TMEM272: variants seen among roughly 807,000 people sequenced by gnomAD.
TMEM272 encodes long intergenic non-protein coding RNA 282.
In TMEM272, 8 loss-of-function variants were observed where a neutral mutation model predicts 3.7. That is an observed-to-expected ratio of 2.17 (90% CI 1.27 to 3.91). The LOEUF (loss-of-function observed/expected upper bound fraction) is 3.91, where lower values mean the gene tolerates loss of function less well. TMEM272 is among the 30% of genes most tolerant of loss of function. TMEM272 has a pLI of 0.00. For missense variants in TMEM272, 166 were observed against 91.5 expected, an observed-to-expected ratio of 1.81 and a Z score of -3.32; for synonymous variants, 63 against 39.8, an observed-to-expected ratio of 1.58 and a Z score of -2.20.
chr13:51,816,765 C>CAGCAAGTCTCCACCTGG lies in TMEM272; in HGVS notation c.533_549dup (p.Ala184ProfsTer79). The CAGCAAGTCTCCACCTGG allele has an allele frequency of 2.9e-6, 2 of 698,384 alleles. No homozygotes were observed. Among genetic ancestry groups the CAGCAAGTCTCCACCTGG allele is most frequent in the Non-Finnish European group, 5.2e-6 (2 of 381,230 alleles). The allele number at this position is 698,384 out of a possible 1,614,324, so 43.3% of individuals were successfully genotyped here. On this transcript the variant is annotated frameshift_variant, in exon 5 of 5. Coordinates refer to ENST00000629372, the MANE Select transcript of TMEM272 (RefSeq NM_001351003.2). LOFTEE classifies it high-confidence loss of function. ...CAAGGCAGCTGTCAGTCTTCATCGG[C>CAGCAAGTCTCCACCTGG]AGCAAGTCTCCACCTGGAGCACAGG... is the stretch of plus-strand genomic sequence containing the variant.
At chr13:51,852,536 T>C in the TMEM272 span, among the ~76,000 whole-genome samples, 1 of 152,222 alleles carries the variant, frequency 6.6e-6, no homozygotes, top group Non-Finnish European at 1.5e-5. Context: ...GTTGTCATTG[T>C]CTTCATCTTT....
At chr13:51,833,204 G>C (rs2139573916) in intron 2 of TMEM272, among the ~76,000 whole-genome samples, 1 of 152,268 alleles carries the variant, frequency 6.6e-6, no homozygotes, top group South Asian at 2.1e-4. Context: ...TCATGAAATG[G>C]AGCTGAGCGT....
the TMEM272 span, among the ~76,000 whole-genome samples, chr13:51,895,951 G>A: frequency 7.2e-5 from 11 of 152,182 alleles, no homozygotes; most frequent in African/African-American, 2.6e-4. Context: ...AGCAACCAAC[G>A]TAACCACAAG....
intron 4 of TMEM272, among the ~76,000 whole-genome samples, chr13:51,821,549 T>C (rs1390343506): frequency 6.6e-6 from 1 of 151,836 alleles, no homozygotes; most frequent in Non-Finnish European, 1.5e-5. Flanking sequence ...AGCCAATTAA[T>C]CCTATGTTAG....
the TMEM272 span, among the ~76,000 whole-genome samples, chr13:51,893,092 C>T: frequency 1.3e-5 from 2 of 152,226 alleles, no homozygotes; most frequent in Non-Finnish European, 2.9e-5. Context: ...CTTAAACATC[C>T]ACCTGTCCTT....
At position 51,836,324 on chromosome 13, in the gene TMEM272, C is replaced by CT. The variant is rs1045150060; in HGVS notation, c.58+2148dup. On this transcript the variant is annotated intron_variant, in intron 2 of 4. Transcript: ENST00000629372. ...TCCAGAATGATAAGCCAACAAGTTT[C>CT]TGTTTGTTATAAACTACCTAGTCTG... Among the ~76,000 whole-genome samples, 10 of 152,234 alleles carry CT rather than the reference C, an allele frequency of 6.6e-5. No homozygotes were observed. In the East Asian group the frequency reaches 7.7e-4, roughly 12 times the overall value.
chr13:51,839,868 G>C (rs918452320), intron 1 of TMEM272, among the ~76,000 whole-genome samples: 1 of 152,206 alleles, frequency 6.6e-6, no homozygotes, highest in Admixed American at 6.5e-5. Flanking sequence ...GTTGGGCTGA[G>C]ACTCGGGGTT....
chr13:51,892,412 G>A, the TMEM272 span, among the ~76,000 whole-genome samples: 1 of 152,204 alleles, frequency 6.6e-6, no homozygotes, highest in Admixed American at 6.5e-5. Flanking sequence ...AGGGGGCACA[G>A]GTAGGCAAGT....
the TMEM272 span, among the ~76,000 whole-genome samples, chr13:51,878,103 G>A: frequency 6.6e-6 from 1 of 152,194 alleles, no homozygotes; most frequent in Non-Finnish European, 1.5e-5. Flanking sequence ...AGGGAGAAGT[G>A]CCAAGCAAAG....
At chr13:51,865,223 T>G in the TMEM272 span, 1 of 585,636 alleles carries the variant, frequency 1.7e-6, no homozygotes, top group Non-Finnish European at 2.9e-6. Flanking sequence ...AACACCACCA[T>G]GTGGACAAAG....
At chr13:51,885,932 T>C in the TMEM272 span, among the ~76,000 whole-genome samples, 1 of 152,220 alleles carries the variant, frequency 6.6e-6, no homozygotes, top group Admixed American at 6.5e-5. Flanking sequence ...GCGAGGGCCA[T>C]ATACAAAGCT....
chr13:51,840,216 C>A (rs1350293818), intron 1 of TMEM272, among the ~76,000 whole-genome samples: 1 of 151,980 alleles, frequency 6.6e-6, no homozygotes, highest in Non-Finnish European at 1.5e-5. Flanking sequence ...CTCCACTTCA[C>A]CCCAGAGCAA....
At chr13:51,925,838 T>C in the TMEM272 span, among the ~76,000 whole-genome samples, 1 of 152,194 alleles carries the variant, frequency 6.6e-6, no homozygotes, top group Non-Finnish European at 1.5e-5. Context: ...ACATGATTTT[T>C]TCTCCTCACC....
At chr13:51,824,991 C>T (rs1263476642) in intron 3 of TMEM272, among the ~76,000 whole-genome samples, 1 of 152,176 alleles carries the variant, frequency 6.6e-6, no homozygotes, top group African/African-American at 2.4e-5. Flanking sequence ...CCACAGGGTC[C>T]AAAGGCTAGG....
intron 4 of TMEM272, among the ~76,000 whole-genome samples, chr13:51,818,471 C>CAG (rs1230277201): frequency 6.6e-6 from 1 of 152,120 alleles, no homozygotes; most frequent in Non-Finnish European, 1.5e-5. Flanking sequence ...GGACTCCTGG[C>CAG]AGAGATCTGG....
intron 3 of TMEM272, among the ~76,000 whole-genome samples, chr13:51,826,138 C>CAAAAAAAA (rs11295480): frequency 2.4e-5 from 3 of 123,194 alleles, no homozygotes; most frequent in African/African-American, 5.9e-5. Flanking sequence ...ATTCATTCAG[C>CAAAAAAAA]AAAAAAAAAA....
chr13:51,855,653 A>C, the TMEM272 span, among the ~76,000 whole-genome samples: 20 of 152,306 alleles, frequency 1.3e-4, no homozygotes, highest in East Asian at 3.9e-3. Context: ...GACTGAATAG[A>C]AACAGTAGAT....
rs574670724 is a variant in TMEM272, at chr13:51,836,223, G to A, written c.58+2250C>T. ...GTTCAGCCCTTTTTCTCTCCCCCACGTGCTGCCTTCCTCCATGGGATGACA... is the reference window on the plus strand; with the variant it reads ...GTTCAGCCCTTTTTCTCTCCCCCACATGCTGCCTTCCTCCATGGGATGACA... On this transcript the variant is annotated intron_variant, in intron 2 of 4. Transcript: ENST00000629372. Among the ~76,000 whole-genome samples, 3 of 152,226 alleles carry A rather than the reference G, an allele frequency of 2.0e-5. No homozygotes were observed. The South Asian group carries it at 6.2e-4, about 32-fold the overall frequency.
chr13:51,855,741 G>A, the TMEM272 span, among the ~76,000 whole-genome samples: 1 of 152,098 alleles, frequency 6.6e-6, no homozygotes, highest in Non-Finnish European at 1.5e-5. Context: ...GAGAGACAAT[G>A]GAGAATTAGA....
Sources: allele counts gnomAD v4.1 joint callset (sites outside exome capture counted in the v4.1 genomes callset), GRCh38; gene constraint gnomAD v4.1.1; transcripts MANE v1.5; gene names NCBI Gene and HGNC (gene_info 2026-07-23, HGNC 2026-07-21).